Variants in ABCD3 observed in about 807,000 individuals in gnomAD.
The protein encoded by ABCD3 is ATP binding cassette subfamily D member 3, also known as ATP-binding cassette sub-family D member 3.
In ABCD3, 41 loss-of-function variants were observed where a neutral mutation model predicts 105.5. The ratio of observed to expected loss-of-function variants is 0.39; its 90% CI spans 0.30 to 0.50. ABCD3 has a LOEUF of 0.50. Among genes scored for constraint, ABCD3 ranks in the 20% least tolerant of loss-of-function variants. The pLI is 0.84. For missense variants in ABCD3, 622 were observed against 806.3 expected, an observed-to-expected ratio of 0.77 and a Z score of 2.77; for synonymous variants, 258 against 269.0, an observed-to-expected ratio of 0.96 and a Z score of 0.40.
At chr1:94,411,763 A>G in the ABCD3 span, among the ~76,000 whole-genome samples, 3 of 152,220 alleles carry the variant, frequency 2.0e-5, no homozygotes, top group Admixed American at 6.5e-5. Context: ...CAGCTGATGA[A>G]TAGATATAAA....
intron 11 of ABCD3, 36 bp downstream of exon 11, chr1:94,487,647 A>C: frequency 6.2e-7 from 1 of 1,612,898 alleles, no homozygotes; most frequent in Non-Finnish European, 8.5e-7. Flanking sequence ...ATTTGTGGAA[A>C]AGGTGAAATA....
At chr1:94,462,807 A>G (rs1035076527) in intron 2 of ABCD3, among the ~76,000 whole-genome samples, 38 of 152,290 alleles carry the variant, frequency 2.5e-4, no homozygotes, top group African/African-American at 8.4e-4. Flanking sequence ...TGTTGCCTAC[A>G]GGTAAGGCAA....
chr1:94,509,763 A>G (rs1232188650), intron 21 of ABCD3, among the ~76,000 whole-genome samples: 1 of 152,114 alleles, frequency 6.6e-6, no homozygotes, highest in East Asian at 1.9e-4. Flanking sequence ...TAGATTTTCT[A>G]GTTTATTTGC....
chr1:94,497,305 TA>T (rs1458130759), intron 16 of ABCD3, among the ~76,000 whole-genome samples: 1 of 152,226 alleles, frequency 6.6e-6, no homozygotes, highest in Non-Finnish European at 1.5e-5. Flanking sequence ...TTTAATTCAT[TA>T]ATATGGCCTA....
At chr1:94,486,610 T>G (rs1166938474) in intron 10 of ABCD3, among the ~76,000 whole-genome samples, 1 of 152,176 alleles carries the variant, frequency 6.6e-6, no homozygotes, top group African/African-American at 2.4e-5. Flanking sequence ...TTTCAGGTAG[T>G]AATGAATTCG....
intron 1 of ABCD3, among the ~76,000 whole-genome samples, chr1:94,427,557 T>A (rs1325252001): frequency 6.6e-6 from 1 of 152,222 alleles, no homozygotes; most frequent in Non-Finnish European, 1.5e-5. Context: ...CACCTTCTAA[T>A]CTGTTTCAAT....
chr1:94,499,695 A>G, intron 20 of ABCD3, 81 bp downstream of exon 20: 1 of 1,552,788 alleles, frequency 6.4e-7, no homozygotes, highest in East Asian at 2.3e-5. Flanking sequence ...GTTTCATCTT[A>G]TATTTTTTTA....
At chr1:94,460,824 C>T (rs1185205675) in intron 2 of ABCD3, among the ~76,000 whole-genome samples, 4 of 152,088 alleles carry the variant, frequency 2.6e-5, no homozygotes, top group Non-Finnish European at 4.4e-5. Flanking sequence ...ATGTCCACTT[C>T]TCTGGCATAT....
chr1:94,457,146 C>T (rs1483503893), intron 1 of ABCD3, among the ~76,000 whole-genome samples: 1 of 151,994 alleles, frequency 6.6e-6, no homozygotes. Flanking sequence ...GGATATTAAC[C>T]CCTAATCAGG....
At chr1:94,488,031 A>G in intron 13 of ABCD3, 48 bp downstream of exon 13, 2 of 1,390,696 alleles carry the variant, frequency 1.4e-6, no homozygotes, top group Non-Finnish European at 2.0e-6. Context: ...TTTTAAAAAT[A>G]TATTATCCTT....
At chr1:94,512,076 T>C (rs1650699963) in intron 21 of ABCD3, among the ~76,000 whole-genome samples, 1 of 152,138 alleles carries the variant, frequency 6.6e-6, no homozygotes, top group Non-Finnish European at 1.5e-5. Context: ...CTCTGCTTTT[T>C]AGAGTTTCCA....
At chr1:94,479,749 T>G (rs1206122873) in intron 8 of ABCD3, among the ~76,000 whole-genome samples, 3 of 152,044 alleles carry the variant, frequency 2.0e-5, no homozygotes, top group Non-Finnish European at 4.4e-5. Context: ...CATTTATATA[T>G]TTTAGTATGG....
chr1:94,481,186 A>G (rs1437732036), intron 9 of ABCD3, among the ~76,000 whole-genome samples: 1 of 152,226 alleles, frequency 6.6e-6, no homozygotes, highest in Non-Finnish European at 1.5e-5. Context: ...AATGAGGATT[A>G]AATTTGATAA....
chr1:94,505,474 A>G (rs548593034), intron 20 of ABCD3, among the ~76,000 whole-genome samples: 1 of 151,860 alleles, frequency 6.6e-6, no homozygotes, highest in African/African-American at 2.4e-5. Context: ...ACAACCTCAC[A>G]AAGTGCTGGG....
intron 20 of ABCD3, among the ~76,000 whole-genome samples, chr1:94,504,626 G>A (rs1342582875): frequency 6.6e-6 from 1 of 152,214 alleles, no homozygotes; most frequent in Admixed American, 6.5e-5. Flanking sequence ...TGGGGTTAGA[G>A]CGTGAGTAGA....
chr1:94,480,405 A>G (rs1363420849), intron 8 of ABCD3, 59 bp from the exon 9 acceptor site: 1 of 1,594,064 alleles, frequency 6.3e-7, no homozygotes, highest in Non-Finnish European at 8.6e-7. Context: ...GTTTGTATCT[A>G]AGTGAATTTA....
chr1:94,442,446 A>G (rs1344991058), intron 1 of ABCD3, among the ~76,000 whole-genome samples: 4 of 152,226 alleles, frequency 2.6e-5, no homozygotes, highest in Non-Finnish European at 5.9e-5. Flanking sequence ...GGTATTATAT[A>G]TAATTTTTAA....
intron 1 of ABCD3, among the ~76,000 whole-genome samples, chr1:94,455,033 A>T (rs1357295410): frequency 1.3e-5 from 2 of 152,220 alleles, no homozygotes; most frequent in African/African-American, 4.8e-5. Flanking sequence ...ATTCTGGGTT[A>T]TCTGAATGAC....
At chr1:94,466,536 A>G (rs1024394508) in intron 3 of ABCD3, among the ~76,000 whole-genome samples, 4 of 152,192 alleles carry the variant, frequency 2.6e-5, no homozygotes. Flanking sequence ...ATCTGGCCCT[A>G]TGTCCTCAGC....
Sources: allele counts gnomAD v4.1 joint callset (sites outside exome capture counted in the v4.1 genomes callset), GRCh38; gene constraint gnomAD v4.1.1; transcripts MANE v1.5; gene names NCBI Gene and HGNC (gene_info 2026-07-23, HGNC 2026-07-21).